The following PPP1R21 variants were observed in gnomAD, a reference collection of about 807,000 sequenced individuals.
PPP1R21 encodes the protein KLRAQ motif containing 1.
PPP1R21 carries 85 observed loss-of-function variants against 112.8 expected under a neutral mutation model. The ratio of observed to expected loss-of-function variants is 0.75; its 90% CI spans 0.63 to 0.90. PPP1R21 has a LOEUF of 0.90. Among genes scored for constraint, PPP1R21 ranks in the 40% least tolerant of loss-of-function variants. The probability of loss-of-function intolerance (pLI) is 0.00; values close to 1 mark genes in which losing one functional copy is unlikely to be tolerated. For missense variants in PPP1R21, 1,199 were observed against 901.5 expected, an observed-to-expected ratio of 1.33 and a Z score of -4.23; for synonymous variants, 381 against 322.3, an observed-to-expected ratio of 1.18 and a Z score of -1.95.
In PPP1R21 at chr2:48,466,177, A is replaced by G. The variant is rs186286486; in HGVS notation, c.897+535A>G. On this transcript the variant is annotated intron_variant, in intron 9 of 21. Transcript: ENST00000294952. ...GTGGGAGCTAGAAGATGAGATTTGC[A>G]TGGGGACATAGAACCAAACCATATC... 7.8e-4 allele frequency among the ~76,000 whole-genome samples: 119 copies of G among 151,898 alleles called. 2 individuals carry two copies. Among genetic ancestry groups the G allele is most frequent in the African/African-American group, 2.6e-3 (108 of 41,460 alleles).
chr2:48,475,323 A>C lies in PPP1R21; in HGVS notation c.1225+504A>C, dbSNP rs190499003. Among the ~76,000 whole-genome samples the C allele has an allele frequency of 7.1e-3, 1,077 of 152,292 alleles. 17 individuals carry two copies. The highest frequency in any genetic ancestry group is 0.029 in the Admixed American group (437 of 15,294). Reference sequence around the variant, plus strand: ...AGCTATGATCACACCACTGCACTCCAGCCTGGGTGACAAAGCAACACTGCT... The same window carrying C: ...AGCTATGATCACACCACTGCACTCCCGCCTGGGTGACAAAGCAACACTGCT... On this transcript the variant is annotated intron_variant, in intron 12 of 21. Transcript: ENST00000294952.
intron 14 of PPP1R21, among the ~76,000 whole-genome samples, chr2:48,488,251 C>T (rs1558492912): frequency 6.6e-6 from 1 of 152,160 alleles, no homozygotes; most frequent in African/African-American, 2.4e-5. Context: ...CCTCCCCTTT[C>T]ACCTCCTTCA....
chr2:48,514,716 G>T lies in PPP1R21; in HGVS notation c.2315G>T (p.Gly772Val). Reference sequence around the variant, plus strand: ...TTGTTGATATTTTTCTTTGCACAGGGGAATTCTAAAAAGAACAAGAGTCGA... The same window carrying T: ...TTGTTGATATTTTTCTTTGCACAGGTGAATTCTAAAAAGAACAAGAGTCGA... ...EIDTLKMSSK[G>V]NSKKNKSR Residue 772 changes from glycine (G) to valine (V), a missense_variant and splice_region_variant, in exon 22 of 22, where the codon GGG becomes GTG. Gly to Val is a moderately radical substitution (Grantham distance 109). Transcript: ENST00000294952. 1 of 1,603,704 alleles carries T rather than the reference G, an allele frequency of 6.2e-7. No homozygotes were observed. The highest frequency in any genetic ancestry group is 8.5e-7 in the Non-Finnish European group (1 of 1,172,068).
intron 7 of PPP1R21, among the ~76,000 whole-genome samples, chr2:48,461,640 G>A (rs2103804864): frequency 6.6e-6 from 1 of 152,250 alleles, no homozygotes. Context: ...CAATAGCTAC[G>A]AAGCTAACTT....
At chr2:48,496,101 T>C (rs1426605214) in intron 16 of PPP1R21, among the ~76,000 whole-genome samples, 1 of 152,214 alleles carries the variant, frequency 6.6e-6, no homozygotes, top group African/African-American at 2.4e-5. Context: ...CTAGTGACTC[T>C]GAGTTATTTT....
intron 17 of PPP1R21, among the ~76,000 whole-genome samples, chr2:48,500,055 C>T (rs972359934): frequency 6.6e-6 from 1 of 152,028 alleles, no homozygotes; most frequent in East Asian, 1.9e-4. Context: ...CTCACTGATG[C>T]TATTGAAGAG....
intron 15 of PPP1R21, among the ~76,000 whole-genome samples, chr2:48,493,382 A>T (rs1272098886): frequency 6.6e-6 from 1 of 152,172 alleles, no homozygotes; most frequent in East Asian, 1.9e-4. Flanking sequence ...TTTTGTGTTT[A>T]TGTGGGAAAT....
chr2:48,467,213 C>G (rs919895014), intron 9 of PPP1R21, among the ~76,000 whole-genome samples: 2 of 152,110 alleles, frequency 1.3e-5, no homozygotes, highest in Non-Finnish European at 2.9e-5. Flanking sequence ...GTTTAAATGT[C>G]ACTTTCTTCA....
chr2:48,453,113 C>T (rs1193536974), intron 2 of PPP1R21, among the ~76,000 whole-genome samples: 1 of 152,116 alleles, frequency 6.6e-6, no homozygotes, highest in Non-Finnish European at 1.5e-5. Flanking sequence ...ACCACCCTGC[C>T]TGGCTAATTT....
intron 14 of PPP1R21, among the ~76,000 whole-genome samples, chr2:48,487,272 C>T (rs1210748254): frequency 6.6e-6 from 1 of 152,042 alleles, no homozygotes; most frequent in Non-Finnish European, 1.5e-5. Context: ...GGGTTTTTTC[C>T]TTCTAGTGTT....
At chr2:48,448,138 TC>T (rs1345520074) in intron 1 of PPP1R21, among the ~76,000 whole-genome samples, 2 of 152,170 alleles carry the variant, frequency 1.3e-5, no homozygotes, top group Admixed American at 1.3e-4. Flanking sequence ...CTTATCATCT[TC>T]CTCCATTTCT....
intron 13 of PPP1R21, among the ~76,000 whole-genome samples, chr2:48,484,147 T>G (rs561441786): frequency 1.8e-4 from 27 of 152,302 alleles, no homozygotes; most frequent in African/African-American, 6.3e-4. Flanking sequence ...AGCCCTGCGT[T>G]TGGGGGTTTG....
Position 48,451,019 on chromosome 2 carries a change from G to T in PPP1R21, c.69G>T (p.Gln23His), listed in dbSNP as rs559310077. 1.1e-5 allele frequency: 18 copies of T among 1,613,642 alleles called. No individual in the cohort carries two copies. The highest frequency in any genetic ancestry group is 1.4e-5 in the Non-Finnish European group (17 of 1,179,620). Residue 23 changes from glutamine to histidine, a missense_variant, in exon 2 of 22, where the codon CAG (glutamine) becomes CAT (histidine). Transcript: ENST00000294952. ...TTCTCTGTTTTCAGCTTCGGGCTCAGAATCAGGTTCTGAAAAAAGGTGTTG... is the reference window on the plus strand; with the variant it reads ...TTCTCTGTTTTCAGCTTCGGGCTCATAATCAGGTTCTGAAAAAAGGTGTTG... Reference protein sequence around the residue: ...LAQEYSKLRAQNQVLKKGVVD... With the variant: ...LAQEYSKLRAHNQVLKKGVVD...
chr2:48,510,432 T>G (rs1464406347), intron 20 of PPP1R21, among the ~76,000 whole-genome samples: 2 of 152,234 alleles, frequency 1.3e-5, no homozygotes, highest in Non-Finnish European at 2.9e-5. Flanking sequence ...CTGTACATAG[T>G]ACTCTGTTCC....
intron 18 of PPP1R21, 75 bp from the exon 19 acceptor site, chr2:48,507,192 CTT>C (rs368842819): frequency 8.8e-3 from 9,857 of 1,118,142 alleles, no homozygotes; most frequent in East Asian, 0.015. Context: ...AAAATGTTGT[CTT>C]TTTTTTTTTT....
intron 2 of PPP1R21, among the ~76,000 whole-genome samples, chr2:48,452,925 A>G (rs952679500): frequency 3.3e-5 from 5 of 151,340 alleles, no homozygotes; most frequent in African/African-American, 9.7e-5. Flanking sequence ...GAGTGTAGAC[A>G]CTAGCCTATG....
chr2:48,484,879 T>A (rs1343012007), intron 13 of PPP1R21, among the ~76,000 whole-genome samples: 1 of 152,252 alleles, frequency 6.6e-6, no homozygotes, highest in Non-Finnish European at 1.5e-5. Context: ...TTCTTAGTAT[T>A]GTACTTTTTT....
rs561603725 is a variant in PPP1R21 at position 48,449,477 on chromosome 2, T to C, written c.58-1531T>C. ...TATTTGGGTCTGCTTTCTCTTGTGG[T>C]AATGAACTGTCATCTCTAACTTTCT... On this transcript the variant is annotated intron_variant, in intron 1 of 21. Coordinates refer to ENST00000294952, the MANE Select transcript of PPP1R21 (RefSeq NM_001135629.3). Among the ~76,000 whole-genome samples the C allele has an allele frequency of 3.3e-4, 51 of 152,362 alleles. 1 individual carries two copies. The highest frequency in any genetic ancestry group is 1.2e-3 in the African/African-American group (50 of 41,592).
chr2:48,441,251 T>A (rs1429862807), intron 1 of PPP1R21: 11 of 572,264 alleles, frequency 1.9e-5, no homozygotes, highest in Non-Finnish European at 3.5e-5. Context: ...TGATTCTTCC[T>A]TTTCACTGAA....
Sources: gnomAD v4.1 joint callset for allele counts (sites outside exome capture counted in the v4.1 genomes callset) on GRCh38, gnomAD v4.1.1 for gene constraint, MANE v1.5 for transcripts, NCBI Gene and HGNC (gene_info 2026-07-23, HGNC 2026-07-21) for gene names.